The following ADAMTS14 variants were observed in gnomAD, a reference collection of about 807,000 sequenced individuals.
The protein encoded by ADAMTS14 is ADAM metallopeptidase with thrombospondin type 1 motif 14.
ADAMTS14 carries 100 observed loss-of-function variants against 128.6 expected under a neutral mutation model. That is an observed-to-expected ratio of 0.78 (90% CI 0.66 to 0.92). The LOEUF (loss-of-function observed/expected upper bound fraction) is 0.92, where lower values mean the gene tolerates loss of function less well. Among genes scored for constraint, ADAMTS14 ranks in the 40% least tolerant of loss-of-function variants. The pLI is 0.00. For missense variants in ADAMTS14, 1,562 were observed against 1,658.6 expected, an observed-to-expected ratio of 0.94 and a Z score of 1.01; for synonymous variants, 665 against 653.8, an observed-to-expected ratio of 1.02 and a Z score of -0.26.
Position 70,672,749 on chromosome 10 carries a change from A to G in ADAMTS14, c.-54A>G, listed in dbSNP as rs1839517853. 4.8e-6 allele frequency: 7 copies of G among 1,465,114 alleles called. No individual in the cohort carries two copies. In the South Asian group the frequency reaches 8.0e-5, roughly 17 times the overall value. The allele number at this position is 1,465,114 out of a possible 1,614,324, so 90.8% of individuals were successfully genotyped here. On this transcript the variant is annotated 5_prime_UTR_variant, in exon 1 of 22. Transcript: ENST00000373207. Reference sequence around the variant, plus strand: ...GGCGCACCCTAGCCTCGCCGCCCTCAGCCTGGGACTTGGGGATCGGGCGCT... The same window carrying G: ...GGCGCACCCTAGCCTCGCCGCCCTCGGCCTGGGACTTGGGGATCGGGCGCT...
intron 3 of ADAMTS14, among the ~76,000 whole-genome samples, chr10:70,705,317 C>A (rs1771163857): frequency 6.6e-6 from 1 of 152,176 alleles, no homozygotes; most frequent in African/African-American, 2.4e-5. Flanking sequence ...CTCTCTGGAG[C>A]CCCGTTCCCA....
Position 70,732,377 on chromosome 10 carries a change from G to C in ADAMTS14, c.1208+18G>C. ...GGCCACGTGTAAGTGGCAGCAGCAC[G>C]GTGGGTGGGACTGGCAGCTGTGCCG... is the stretch of plus-strand genomic sequence containing the variant. On this transcript the variant is annotated intron_variant, in intron 7 of 21. Transcript: ENST00000373207. 2.5e-6 allele frequency: 4 copies of C among 1,599,160 alleles called. No homozygotes were observed. The highest frequency in any genetic ancestry group is 3.4e-6 in the Non-Finnish European group (4 of 1,167,306).
intron 3 of ADAMTS14, among the ~76,000 whole-genome samples, chr10:70,706,569 G>A (rs551422800): frequency 3.9e-5 from 6 of 152,338 alleles, no homozygotes; most frequent in African/African-American, 1.2e-4. Flanking sequence ...AGACACCAGG[G>A]CCACCAGAAG....
At chr10:70,750,036 T>C (rs756926389) in intron 16 of ADAMTS14, 51 bp downstream of exon 16, 6 of 1,595,576 alleles carry the variant, frequency 3.8e-6, no homozygotes, top group African/African-American at 1.3e-5. Flanking sequence ...ACTTGTCCCC[T>C]TAGCTCGCTA....
intron 15 of ADAMTS14, among the ~76,000 whole-genome samples, chr10:70,749,114 G>A (rs182593327): frequency 3.5e-4 from 53 of 152,330 alleles, no homozygotes; most frequent in African/African-American, 1.1e-3. Flanking sequence ...CCAACAGGCC[G>A]CTGGGAGAGG....
chr10:70,684,758 GCGCC>G (rs1181122704), intron 2 of ADAMTS14, among the ~76,000 whole-genome samples: 2 of 152,198 alleles, frequency 1.3e-5, no homozygotes, highest in African/African-American at 4.8e-5. Flanking sequence ...AGCTCTCTGG[GCGCC>G]CATGCCAGGG....
chr10:70,685,627 C>T (rs762572488), intron 2 of ADAMTS14, among the ~76,000 whole-genome samples: 1 of 152,132 alleles, frequency 6.6e-6, no homozygotes, highest in African/African-American at 2.4e-5. Flanking sequence ...TGTCAGGGCA[C>T]GCAAGGACCA....
At chr10:70,708,299 G>A (rs1318090911) in intron 3 of ADAMTS14, among the ~76,000 whole-genome samples, 2 of 152,198 alleles carry the variant, frequency 1.3e-5, no homozygotes, top group African/African-American at 4.8e-5. Context: ...TTGGGCCTGG[G>A]ACGCCCACAG....
intron 4 of ADAMTS14, among the ~76,000 whole-genome samples, chr10:70,709,299 G>A (rs1323478499): frequency 6.6e-6 from 1 of 152,122 alleles, no homozygotes. Context: ...CAGGGATGTG[G>A]GCAAATTCTA....
chr10:70,732,169 G>A lies in ADAMTS14; in HGVS notation c.1103-85G>A, dbSNP rs1841660358. 3 of 1,181,818 alleles carry A rather than the reference G, an allele frequency of 2.5e-6. No homozygotes were observed. In the African/African-American group the frequency reaches 4.6e-5, roughly 18 times the overall value. The allele number at this position is 1,181,818 out of a possible 1,614,324, so 73.2% of individuals were successfully genotyped here. ...GTCCCCACTCCAAGCACTGACCAGA[G>A]GGCTGGGCTGGGCACAGACCTCAGT... is the stretch of plus-strand genomic sequence containing the variant. On this transcript the variant is annotated intron_variant, in intron 6 of 21. Transcript: ENST00000373207.
In ADAMTS14 at chr10:70,708,659, C is replaced by T. The variant is rs781601670; in HGVS notation, c.751C>T (p.Arg251Trp). ...GDQLGDTERK[R>W]RHAKPGSYSI... ...CCAGCTGGGCGACACAGAGCGGAAG[C>T]GGCGGCATGCCAAGCCAGGCAGCTA... The change falls in exon 4 of 22, where the codon CGG (arginine) becomes TGG (tryptophan). Residue 251 changes from arginine (R) to tryptophan (W), a missense_variant. By Grantham distance (101) the Arg-to-Trp change is moderately radical (BLOSUM62 -3). Transcript: ENST00000373207. 4.6e-5 allele frequency: 74 copies of T among 1,613,394 alleles called. No homozygotes were observed. The highest frequency in any genetic ancestry group is 1.3e-4 in the South Asian group (12 of 91,038).
chr10:70,724,058 T>C (rs776619284), intron 4 of ADAMTS14, among the ~76,000 whole-genome samples: 12 of 152,232 alleles, frequency 7.9e-5, no homozygotes, highest in Non-Finnish European at 1.5e-4. Context: ...TGCCAAGCCC[T>C]TGGCACAGTG....
chr10:70,674,826 A>G lies in ADAMTS14; in HGVS notation c.353A>G (p.His118Arg). The G allele has an allele frequency of 6.2e-7, 1 of 1,613,924 alleles. No homozygotes were observed. The highest frequency in any genetic ancestry group is 8.5e-7 in the Non-Finnish European group (1 of 1,180,042). Reference protein sequence around the residue: ...FNVTVFGKELHLRLRPNRRLV... With the variant: ...FNVTVFGKELRLRLRPNRRLV... ...GTCACTGTTTTCGGGAAGGAACTGCACTTGCGCCTGCGGCCCAATCGGAGG... is the reference window on the plus strand; with the variant it reads ...GTCACTGTTTTCGGGAAGGAACTGCGCTTGCGCCTGCGGCCCAATCGGAGG... The change falls in exon 2 of 22, where the codon CAC (histidine) becomes CGC (arginine). Residue 118 changes from histidine (H) to arginine (R), a missense_variant. Transcript: ENST00000373207.
chr10:70,703,748 T>C (rs893793633), intron 3 of ADAMTS14, among the ~76,000 whole-genome samples: 1 of 152,226 alleles, frequency 6.6e-6, no homozygotes, highest in Admixed American at 6.5e-5. Flanking sequence ...CCAGCCACCA[T>C]GGTGGGCAGC....
chr10:70,712,136 G>A (rs928101392), intron 4 of ADAMTS14, among the ~76,000 whole-genome samples: 22 of 152,096 alleles, frequency 1.4e-4, no homozygotes, highest in African/African-American at 4.3e-4. Context: ...CCCAGACTCT[G>A]CAAATCACAG....
At chr10:70,695,303 C>T (rs1222777916) in intron 2 of ADAMTS14, among the ~76,000 whole-genome samples, 1 of 152,116 alleles carries the variant, frequency 6.6e-6, no homozygotes, top group Non-Finnish European at 1.5e-5. Flanking sequence ...TTTGCACCCC[C>T]ACCTTACCCC....
chr10:70,757,521 T>A (rs909276628), intron 19 of ADAMTS14, among the ~76,000 whole-genome samples: 15 of 151,962 alleles, frequency 9.9e-5, no homozygotes, highest in African/African-American at 3.6e-4. Flanking sequence ...TATCATCACA[T>A]CAATCCACCT....
chr10:70,749,767 C>T (rs1461312375), intron 15 of ADAMTS14, 55 bp from the exon 16 acceptor site: 34 of 1,580,748 alleles, frequency 2.2e-5, no homozygotes, highest in African/African-American at 5.4e-5. Flanking sequence ...ATTCATGGCC[C>T]GCCCCCTGTG....
At chr10:70,730,352 A>G (rs370771467) in intron 6 of ADAMTS14, 103 bp downstream of exon 6, 7 of 1,448,260 alleles carry the variant, frequency 4.8e-6, no homozygotes, top group Admixed American at 2.3e-5. Context: ...GGCCCACCAC[A>G]TGGAGGTTTG....
Sources: gnomAD v4.1 joint callset for allele counts (sites outside exome capture counted in the v4.1 genomes callset) on GRCh38, gnomAD v4.1.1 for gene constraint, MANE v1.5 for transcripts, NCBI Gene and HGNC (gene_info 2026-07-23, HGNC 2026-07-21) for gene names.